OPCML: variants seen among roughly 807,000 people sequenced by gnomAD.
The protein encoded by OPCML is opioid-binding protein/cell adhesion molecule.
OPCML carries 13 observed loss-of-function variants against 37.8 expected under a neutral mutation model. The ratio of observed to expected loss-of-function variants is 0.34; its 90% CI spans 0.22 to 0.55. OPCML has a LOEUF of 0.55. Among genes scored for constraint, OPCML ranks in the 20% least tolerant of loss-of-function variants. OPCML has a pLI of 0.91. For synonymous variants in OPCML, 176 were observed against 168.8 expected, an observed-to-expected ratio of 1.04 and a Z score of -0.33; for missense variants, 341 against 435.6, an observed-to-expected ratio of 0.78 and a Z score of 1.93.
intron 2 of OPCML, among the ~76,000 whole-genome samples, chr11:132,845,926 G>A (rs73041452): frequency 0.13 from 19,555 of 152,128 alleles, 1,375 homozygotes; most frequent in South Asian, 0.2. Context: ...ACGAGGGTGG[G>A]CTGGATGGAG....
chr11:133,240,446 C>T (rs900068461), intron 1 of OPCML, among the ~76,000 whole-genome samples: 7 of 152,226 alleles, frequency 4.6e-5, no homozygotes, highest in Admixed American at 3.3e-4. Flanking sequence ...ACCAGACACC[C>T]GTGTTAGAGT....
intron 4 of OPCML, among the ~76,000 whole-genome samples, chr11:132,472,372 G>A (rs1469389261): frequency 2.0e-5 from 3 of 152,154 alleles, no homozygotes; most frequent in African/African-American, 7.2e-5. Context: ...GGAGAGAGCC[G>A]AGGGTTAACA....
chr11:132,792,067 T>C (rs1450918719), intron 2 of OPCML, among the ~76,000 whole-genome samples: 4 of 152,248 alleles, frequency 2.6e-5, no homozygotes, highest in Non-Finnish European at 5.9e-5. Context: ...CTCTGAATCA[T>C]TTTACTTGGT....
intron 2 of OPCML, among the ~76,000 whole-genome samples, chr11:132,676,169 T>C (rs1342206138): frequency 1.3e-5 from 2 of 152,176 alleles, no homozygotes; most frequent in African/African-American, 4.8e-5. Flanking sequence ...TTGACAATAG[T>C]GCCAAGGCCA....
intron 1 of OPCML, among the ~76,000 whole-genome samples, chr11:133,169,767 A>G (rs1950262244): frequency 6.6e-6 from 1 of 152,164 alleles, no homozygotes. Flanking sequence ...GTTAATATTC[A>G]TTTGAAAGAG....
intron 2 of OPCML, among the ~76,000 whole-genome samples, chr11:132,802,238 AT>A (rs1227330924): frequency 1.3e-5 from 2 of 152,078 alleles, no homozygotes; most frequent in Non-Finnish European, 2.9e-5. Flanking sequence ...CACACAGTCC[AT>A]TTTTTACCCA....
intron 1 of OPCML, among the ~76,000 whole-genome samples, chr11:133,356,421 C>T (rs868370706): frequency 1.3e-5 from 2 of 152,168 alleles, no homozygotes; most frequent in African/African-American, 4.8e-5. Flanking sequence ...TTCCTTTTCA[C>T]TATTGCCTCT....
chr11:133,233,115 T>A (rs895932411), intron 1 of OPCML, among the ~76,000 whole-genome samples: 8 of 152,238 alleles, frequency 5.3e-5, no homozygotes, highest in Middle Eastern at 3.4e-3. Flanking sequence ...CAGCTAAGCT[T>A]ATTCCTAAAA....
chr11:132,716,275 T>C (rs1052119161), intron 2 of OPCML, among the ~76,000 whole-genome samples: 2 of 152,166 alleles, frequency 1.3e-5, no homozygotes, highest in African/African-American at 2.4e-5. Flanking sequence ...AGAAGCGCTA[T>C]CCAGGAAGTA....
intron 3 of OPCML, among the ~76,000 whole-genome samples, chr11:132,544,816 T>C (rs2096365196): frequency 6.6e-6 from 1 of 152,138 alleles, no homozygotes; most frequent in Non-Finnish European, 1.5e-5. Context: ...TCCTCTGCAT[T>C]GCACACACCA....
chr11:132,645,246 C>T (rs1941084409), intron 3 of OPCML, among the ~76,000 whole-genome samples: 1 of 152,194 alleles, frequency 6.6e-6, no homozygotes, highest in Non-Finnish European at 1.5e-5. Context: ...CTACAGTGTA[C>T]AGTGATCTGT....
At chr11:133,319,665 C>A (rs1444693112) in intron 1 of OPCML, among the ~76,000 whole-genome samples, 1 of 152,168 alleles carries the variant, frequency 6.6e-6, no homozygotes, top group African/African-American at 2.4e-5. Context: ...GGCTGTAAGT[C>A]CGAGCCTGTC....
At chr11:132,824,024 TG>T (rs1193764793) in intron 2 of OPCML, among the ~76,000 whole-genome samples, 1 of 152,330 alleles carries the variant, frequency 6.6e-6, no homozygotes, top group Admixed American at 6.5e-5. Context: ...GGTTCAATCC[TG>T]AAACTCTTTC....
chr11:132,934,697 A>C (rs781707566), intron 2 of OPCML, among the ~76,000 whole-genome samples: 1 of 151,710 alleles, frequency 6.6e-6, no homozygotes, highest in Non-Finnish European at 1.5e-5. Context: ...TTCAACTTCT[A>C]CTTCTGGAAT....
chr11:133,375,944 T>C (rs1159274718), intron 1 of OPCML, among the ~76,000 whole-genome samples: 1 of 152,148 alleles, frequency 6.6e-6, no homozygotes, highest in African/African-American at 2.4e-5. Flanking sequence ...AATTCAAAGT[T>C]TGAAGATGAT....
At chr11:133,167,529 T>C (rs562332577) in intron 1 of OPCML, among the ~76,000 whole-genome samples, 57 of 55,132 alleles carry the variant, frequency 1.0e-3, no homozygotes, top group Middle Eastern at 0.023. Flanking sequence ...TTCTTTCTCT[T>C]TTTTTTTTTT....
intron 2 of OPCML, among the ~76,000 whole-genome samples, chr11:132,680,975 AG>A (rs1942917291): frequency 1.3e-5 from 2 of 152,204 alleles, no homozygotes; most frequent in South Asian, 4.1e-4. Context: ...AGGGCCATGA[AG>A]CTGCTGAGTA....
chr11:132,798,260 G>A (rs913085818), intron 2 of OPCML, among the ~76,000 whole-genome samples: 2 of 151,848 alleles, frequency 1.3e-5, no homozygotes, highest in African/African-American at 4.8e-5. Flanking sequence ...TGGTAGAGAT[G>A]GGGTTTTACC....
At chr11:133,432,051 A>G (rs4423190) in intron 1 of OPCML, among the ~76,000 whole-genome samples, 24,721 of 151,956 alleles carry the variant, frequency 0.16, 4,467 homozygotes, top group African/African-American at 0.45. Context: ...TATTGAGTAC[A>G]TACGGACATA....
Sources: gnomAD v4.1 joint callset for allele counts (sites outside exome capture counted in the v4.1 genomes callset) on GRCh38, gnomAD v4.1.1 for gene constraint, MANE v1.5 for transcripts, NCBI Gene and HGNC (gene_info 2026-07-23, HGNC 2026-07-21) for gene names.